FAT3: variants seen among roughly 807,000 people sequenced by gnomAD.
FAT3 encodes the protein protocadherin Fat 3.
FAT3 carries 95 observed loss-of-function variants against 310.2 expected under a neutral mutation model. The ratio of observed to expected loss-of-function variants is 0.31; its 90% CI spans 0.26 to 0.36. The LOEUF (loss-of-function observed/expected upper bound fraction) is 0.36. Ranked by LOEUF, FAT3 falls within the 10% of genes least tolerant of loss-of-function variation. The pLI, the probability that FAT3 is intolerant of heterozygous loss-of-function variation, is 1.00. For missense variants in FAT3, 5,408 were observed against 5,715.6 expected (o/e 0.95, Z 1.74); for synonymous variants, 2,314 against 2,192.9 (o/e 1.06, Z -1.54).
chr11:92,421,093 G>C (rs1950524991), intron 2 of FAT3, among the ~76,000 whole-genome samples: 1 of 152,178 alleles, frequency 6.6e-6, no homozygotes, highest in Non-Finnish European at 1.5e-5. Context: ...CAAAAGAACA[G>C]ACCACATACT....
chr11:92,448,530 G>T (rs748644333), intron 2 of FAT3, among the ~76,000 whole-genome samples: 22 of 152,156 alleles, frequency 1.4e-4, no homozygotes, highest in Non-Finnish European at 2.6e-4. Flanking sequence ...ATAAGCATGG[G>T]TTAGCACAGA....
intron 22 of FAT3, among the ~76,000 whole-genome samples, chr11:92,873,107 A>G (rs1025900112): frequency 2.6e-5 from 4 of 152,218 alleles, no homozygotes; most frequent in Admixed American, 2.6e-4. Flanking sequence ...ACAACAATAA[A>G]GCACCTAATG....
chr11:92,385,290 G>A (rs1949591111), intron 2 of FAT3, among the ~76,000 whole-genome samples: 1 of 152,180 alleles, frequency 6.6e-6, no homozygotes, highest in South Asian at 2.1e-4. Context: ...ATGGGCTGGT[G>A]TTTCCAAGTG....
chr11:92,564,791 G>A (rs971112603), intron 3 of FAT3, among the ~76,000 whole-genome samples: 196 of 147,746 alleles, frequency 1.3e-3, no homozygotes, highest in Non-Finnish European at 2.3e-3. Context: ...TGACTACTGG[G>A]TACATAACGA....
chr11:92,361,545 C>G (rs1948883428), intron 2 of FAT3, among the ~76,000 whole-genome samples: 1 of 152,170 alleles, frequency 6.6e-6, no homozygotes, highest in South Asian at 2.1e-4. Context: ...ACCTAGCAGG[C>G]AGCATCTGTG....
chr11:92,681,641 G>A (rs1943483319), intron 3 of FAT3, among the ~76,000 whole-genome samples: 1 of 152,172 alleles, frequency 6.6e-6, no homozygotes, highest in Admixed American at 6.5e-5. Context: ...CCCTCAGAAG[G>A]AAGTAGCAGA....
chr11:92,818,629 A>G (rs2136230085), intron 13 of FAT3, among the ~76,000 whole-genome samples: 2 of 152,316 alleles, frequency 1.3e-5, no homozygotes, highest in South Asian at 2.1e-4. Context: ...AAGAGCTCAC[A>G]AGAGCATGGG....
chr11:92,751,744 G>A (rs1945833987), intron 4 of FAT3, among the ~76,000 whole-genome samples: 1 of 152,136 alleles, frequency 6.6e-6, no homozygotes, highest in African/African-American at 2.4e-5. Flanking sequence ...GCACACGTGG[G>A]AAGGGAATTT....
chr11:92,558,311 TA>T (rs35946377), intron 3 of FAT3, among the ~76,000 whole-genome samples: 59,271 of 151,878 alleles, frequency 0.39, 12,281 homozygotes, highest in Middle Eastern at 0.53. Flanking sequence ...AGCTCTTGCT[TA>T]AACTAGCATT....
Position 92,857,299 on chromosome 11 carries a change from G to A in FAT3, c.11451G>A (p.Arg3817=). The A allele has an allele frequency of 6.2e-7, 1 of 1,613,992 alleles. No homozygotes were observed. The highest frequency in any genetic ancestry group is 8.5e-7 in the Non-Finnish European group (1 of 1,179,882). ...DMQCVSYEAS[R]RPFLCQCPPG... Reference sequence around the variant, plus strand: ...AGTGTGTCAGTTATGAAGCCAGCAGGAGACCGTTCCTCTGCCAGTGTCCAC... The same window carrying A: ...AGTGTGTCAGTTATGAAGCCAGCAGAAGACCGTTCCTCTGCCAGTGTCCAC... Residue 3817 remains arginine (R), a synonymous_variant, in exon 20 of 28, where the codon AGG becomes AGA. Coordinates refer to ENST00000525166, the MANE Select transcript of FAT3 (RefSeq NM_001367949.2).
At chr11:92,773,961 G>A in intron 6 of FAT3, 80 bp from the exon 7 acceptor site, 1 of 1,513,808 alleles carries the variant, frequency 6.6e-7, no homozygotes, top group East Asian at 2.3e-5. Flanking sequence ...CTGTATAAGA[G>A]CTCCCTTTAA....
intron 2 of FAT3, among the ~76,000 whole-genome samples, chr11:92,425,450 C>T (rs1211756153): frequency 1.3e-5 from 2 of 152,014 alleles, no homozygotes; most frequent in Non-Finnish European, 2.9e-5. Flanking sequence ...AGGTTTGTTA[C>T]ATAGGTATAC....
chr11:92,755,427 T>C (rs954397747), intron 4 of FAT3, among the ~76,000 whole-genome samples: 3 of 152,146 alleles, frequency 2.0e-5, no homozygotes, highest in Admixed American at 1.3e-4. Flanking sequence ...TCTCACCATG[T>C]TGGCCAGCCT....
chr11:92,330,344 G>C (rs746989079), intron 1 of FAT3, among the ~76,000 whole-genome samples: 2 of 152,226 alleles, frequency 1.3e-5, no homozygotes, highest in Non-Finnish European at 2.9e-5. Context: ...TGTCCTAACA[G>C]TTTGTCTGCC....
chr11:92,837,684 G>C lies in FAT3; in HGVS notation c.10246G>C (p.Val3416Leu). ...RERVSGYSLL[V>L]QAVDSGIPAM... ...GCAGGTGTCTGGATACTCTCTGCTT[G>C]TCCAGGCCGTAGACAGTGGCATTCC... is the stretch of plus-strand genomic sequence containing the variant. Residue 3416 changes from valine to leucine, a missense_variant, in exon 17 of 28, where the codon GTC (valine) becomes CTC (leucine). Physicochemically the swap from Val to Leu is conservative, Grantham distance 32. Around this residue, in one of 5 missense-constraint regions of FAT3, gnomAD observed 4,588 missense variants for 4,809.8 expected, o/e 0.95. Transcript: ENST00000525166. 1.2e-6 allele frequency: 2 copies of C among 1,613,838 alleles called. No homozygotes were observed. The highest frequency in any genetic ancestry group is 1.7e-6 in the Non-Finnish European group (2 of 1,179,854).
At position 92,355,207 on chromosome 11, in the gene FAT3, T is replaced by C. The variant is rs771319509; in HGVS notation, c.3095T>C (p.Val1032Ala). ...GTTTCCTTTGTTGAGGTGGAAGTGG[T>C]GGATGTCAATGAAAACCTCCACACT... ...SSVSFVEVEV[V>A]DVNENLHTPY... The change falls in exon 2 of 28, where the codon GTG becomes GCG. Residue 1032 changes from valine (V) to alanine (A), a missense_variant. Val to Ala is a moderately conservative substitution (Grantham distance 64, BLOSUM62 0). Around this residue, in one of 5 missense-constraint regions of FAT3, gnomAD observed 4,588 missense variants for 4,809.8 expected, o/e 0.95. Transcript: ENST00000525166. The C allele has an allele frequency of 6.2e-7, 1 of 1,613,624 alleles. No individual in the cohort carries two copies. Among genetic ancestry groups the C allele is most frequent in the African/African-American group, 1.3e-5 (1 of 74,892 alleles).
intron 3 of FAT3, among the ~76,000 whole-genome samples, chr11:92,680,346 A>G (rs776680003): frequency 2.6e-5 from 4 of 152,102 alleles, no homozygotes; most frequent in Non-Finnish European, 4.4e-5. Context: ...TCCCAACACC[A>G]TTTATTTTCT....
intron 3 of FAT3, among the ~76,000 whole-genome samples, chr11:92,561,246 A>G (rs2135469313): frequency 8.1e-6 from 1 of 124,130 alleles, no homozygotes. Context: ...AGATCCTTCT[A>G]CTTCGTGTGT....
intron 1 of FAT3, among the ~76,000 whole-genome samples, chr11:92,342,997 C>T (rs1490534341): frequency 6.6e-6 from 1 of 152,092 alleles, no homozygotes; most frequent in Non-Finnish European, 1.5e-5. Context: ...TGAATTACTC[C>T]TGAATTTGAA....
Sources: gnomAD v4.1 joint callset for allele counts (sites outside exome capture counted in the v4.1 genomes callset) on GRCh38, gnomAD v4.1.1 for gene constraint, gnomAD v4.1.1 regional missense constraint, MANE v1.5 for transcripts, NCBI Gene and HGNC (gene_info 2026-07-23, HGNC 2026-07-21) for gene names.